The following ELP4 variants were observed in gnomAD, a reference collection of about 807,000 sequenced individuals.
ELP4 encodes the protein elongator acetyltransferase complex subunit 4.
A neutral mutation model predicts 48.9 loss-of-function variants in ELP4; 51 were observed. The observed-to-expected ratio is 1.04, with a 90% confidence interval of 0.83 to 1.32. The LOEUF is 1.32. Ranked by LOEUF, ELP4 falls within the 40% of genes most tolerant of loss-of-function variation. ELP4 has a pLI of 0.00. For synonymous variants in ELP4, 210 were observed against 189.2 expected, an observed-to-expected ratio of 1.11 and a Z score of -0.90; for missense variants, 519 against 514.6, an observed-to-expected ratio of 1.01 and a Z score of -0.08.
chr11:31,556,416 T>G (rs975227784), intron 3 of ELP4, among the ~76,000 whole-genome samples: 2 of 151,908 alleles, frequency 1.3e-5, no homozygotes, highest in African/African-American at 2.4e-5. Context: ...GTTAAAAGAT[T>G]TAAACATTTA....
chr11:31,680,997 C>A (rs1279968983), intron 9 of ELP4, among the ~76,000 whole-genome samples: 1 of 152,004 alleles, frequency 6.6e-6, no homozygotes, highest in African/African-American at 2.4e-5. Flanking sequence ...TGTGATCATA[C>A]CTTTATTAAC....
intron 7 of ELP4, among the ~76,000 whole-genome samples, chr11:31,640,807 G>A (rs1224472591): frequency 6.6e-6 from 1 of 151,932 alleles, no homozygotes; most frequent in East Asian, 1.9e-4. Context: ...ACTTCTAGAA[G>A]CAAGTGCCAG....
At chr11:31,665,124 A>G (rs1945643897) in intron 9 of ELP4, among the ~76,000 whole-genome samples, 1 of 152,100 alleles carries the variant, frequency 6.6e-6, no homozygotes, top group Non-Finnish European at 1.5e-5. Context: ...TGGAGCTGGG[A>G]TAAACTATCT....
In ELP4 at chr11:31,656,520, C is replaced by T. The variant is rs537348450; in HGVS notation, c.1143+6299C>T. Among the ~76,000 whole-genome samples the T allele has an allele frequency of 1.1e-4, 16 of 152,010 alleles. No individual in the cohort carries two copies. The South Asian group carries it at 2.1e-3, about 20-fold the overall frequency. On this transcript the variant is annotated intron_variant, in intron 9 of 9. Transcript: ENST00000640961. Reference sequence around the variant, plus strand: ...TATAATTAAAATATGACACCTTGACCGTAATTTTTATATAAAAATCTTCAT... The same window carrying T: ...TATAATTAAAATATGACACCTTGACTGTAATTTTTATATAAAAATCTTCAT...
chr11:31,594,069 C>G (rs937857529), intron 3 of ELP4, among the ~76,000 whole-genome samples: 1 of 152,092 alleles, frequency 6.6e-6, no homozygotes. Flanking sequence ...ATTGTATGTG[C>G]TTTCCTTCTT....
intron 9 of ELP4, among the ~76,000 whole-genome samples, chr11:31,733,126 T>C (rs1285487694): frequency 6.6e-6 from 1 of 152,072 alleles, no homozygotes; most frequent in Non-Finnish European, 1.5e-5. Flanking sequence ...CATGCACACA[T>C]AGGACATTCT....
intron 9 of ELP4, among the ~76,000 whole-genome samples, chr11:31,709,464 C>T (rs1474145296): frequency 6.6e-6 from 1 of 152,088 alleles, no homozygotes; most frequent in African/African-American, 2.4e-5. Flanking sequence ...ATGTGGAAAG[C>T]ATTGTTTATT....
chr11:31,712,542 T>C (rs1310798648), intron 9 of ELP4, among the ~76,000 whole-genome samples: 2 of 152,132 alleles, frequency 1.3e-5, no homozygotes, highest in Non-Finnish European at 2.9e-5. Flanking sequence ...AATAAGTACA[T>C]TTAAAATACA....
At chr11:31,519,376 A>G (rs1956173769) in intron 1 of ELP4, among the ~76,000 whole-genome samples, 1 of 152,246 alleles carries the variant, frequency 6.6e-6, no homozygotes, top group Non-Finnish European at 1.5e-5. Context: ...TGTAGTAGTT[A>G]AGTTACTGTA....
intron 9 of ELP4, among the ~76,000 whole-genome samples, chr11:31,685,417 A>G (rs1486228236): frequency 1.3e-5 from 2 of 152,122 alleles, no homozygotes; most frequent in African/African-American, 4.8e-5. Context: ...GTTACTGAAT[A>G]ATTTACCCAA....
chr11:31,561,930 A>C (rs539718996), intron 3 of ELP4, among the ~76,000 whole-genome samples: 1 of 152,296 alleles, frequency 6.6e-6, no homozygotes, highest in South Asian at 2.1e-4. Context: ...TAATTATGGA[A>C]TCTATTATCA....
intron 4 of ELP4, chr11:31,599,853 G>C (rs1387952671): frequency 6.6e-6 from 1 of 152,144 alleles, no homozygotes; most frequent in Admixed American, 6.6e-5. Flanking sequence ...GTTGAGATTT[G>C]GGTGGGGACA....
At chr11:31,644,039 T>C (rs893682856) in intron 7 of ELP4, among the ~76,000 whole-genome samples, 2 of 151,956 alleles carry the variant, frequency 1.3e-5, no homozygotes, top group Admixed American at 1.3e-4. Flanking sequence ...GACACTGGCT[T>C]TCCTCTCTTC....
chr11:31,522,990 G>A (rs930250453), intron 2 of ELP4, among the ~76,000 whole-genome samples: 1 of 151,544 alleles, frequency 6.6e-6, no homozygotes, highest in Non-Finnish European at 1.5e-5. Context: ...CTCCTGAGTA[G>A]CTGGGACAGC....
chr11:31,521,588 AT>A (rs1411375722), intron 2 of ELP4, among the ~76,000 whole-genome samples: 1 of 152,008 alleles, frequency 6.6e-6, no homozygotes, highest in African/African-American at 2.4e-5. Context: ...ATTTATGGAG[AT>A]TTTTTCTTTT....
At chr11:31,636,056 G>T (rs1944968817) in intron 7 of ELP4, among the ~76,000 whole-genome samples, 1 of 151,950 alleles carries the variant, frequency 6.6e-6, no homozygotes, top group African/African-American at 2.4e-5. Flanking sequence ...GGGTTTAAAT[G>T]GTGATTGAAT....
At chr11:31,596,399 G>A (rs1392326778) in intron 4 of ELP4, among the ~76,000 whole-genome samples, 3 of 151,934 alleles carry the variant, frequency 2.0e-5, no homozygotes, top group South Asian at 2.1e-4. Context: ...GCAGGACTCC[G>A]TCTCAAAAAA....
chr11:31,568,465 G>A (rs867469292), intron 3 of ELP4, among the ~76,000 whole-genome samples: 6 of 151,632 alleles, frequency 4.0e-5, no homozygotes, highest in Admixed American at 2.6e-4. Context: ...ACTACAAAGA[G>A]CCCAAAGCAA....
At chr11:31,702,327 C>CAAT (rs36220373) in intron 9 of ELP4, among the ~76,000 whole-genome samples, 1 of 151,276 alleles carries the variant, frequency 6.6e-6, no homozygotes, top group African/African-American at 2.4e-5. Context: ...ATAACAATAA[C>CAAT]AATAATAATA....
Sources: gnomAD v4.1 joint callset for allele counts (sites outside exome capture counted in the v4.1 genomes callset) on GRCh38, gnomAD v4.1.1 for gene constraint, MANE v1.5 for transcripts, NCBI Gene and HGNC (gene_info 2026-07-23, HGNC 2026-07-21) for gene names.